Variants in PPARGC1A observed in about 807,000 individuals in gnomAD.
The protein encoded by PPARGC1A is PPARG coactivator 1 alpha.
In PPARGC1A, 25 loss-of-function variants were observed where a neutral mutation model predicts 88.7. The ratio of observed to expected loss-of-function variants is 0.28; its 90% CI spans 0.21 to 0.39. PPARGC1A has a LOEUF of 0.39. Among genes scored for constraint, PPARGC1A ranks in the 10% least tolerant of loss-of-function variants. The probability of loss-of-function intolerance (pLI) is 1.00; values close to 1 mark genes in which losing one functional copy is unlikely to be tolerated. For missense variants in PPARGC1A, 880 were observed against 968.7 expected (o/e 0.91, Z 1.22); for synonymous variants, 363 against 355.6 (o/e 1.02, Z -0.24).
At chr4:23,996,417 C>T in the PPARGC1A span, among the ~76,000 whole-genome samples, 2 of 152,092 alleles carry the variant, frequency 1.3e-5, no homozygotes, top group African/African-American at 4.8e-5. Context: ...AAATGACTTC[C>T]CAGTCAGAAC....
At chr4:24,173,590 T>C in the PPARGC1A span, among the ~76,000 whole-genome samples, 1 of 152,256 alleles carries the variant, frequency 6.6e-6, no homozygotes. Flanking sequence ...GCATTAGTTA[T>C]CAATGAGACT....
chr4:23,800,776 G>A (rs1718524595), intron 12 of PPARGC1A, among the ~76,000 whole-genome samples: 1 of 151,406 alleles, frequency 6.6e-6, no homozygotes, highest in Non-Finnish European at 1.5e-5. Context: ...TACCCCTTGA[G>A]TCTGTACAGC....
At chr4:24,087,485 C>A in the PPARGC1A span, among the ~76,000 whole-genome samples, 1 of 152,178 alleles carries the variant, frequency 6.6e-6, no homozygotes, top group Non-Finnish European at 1.5e-5. Flanking sequence ...TATTATAAAT[C>A]ATTATCCAGA....
chr4:24,211,889 T>C, the PPARGC1A span, among the ~76,000 whole-genome samples: 4 of 152,192 alleles, frequency 2.6e-5, no homozygotes, highest in South Asian at 8.3e-4. Flanking sequence ...ACCTCCACGA[T>C]GCTATTTCCT....
At chr4:24,196,944 T>C in the PPARGC1A span, among the ~76,000 whole-genome samples, 1 of 152,200 alleles carries the variant, frequency 6.6e-6, no homozygotes, top group Non-Finnish European at 1.5e-5. Flanking sequence ...CAATGAACTA[T>C]AAGCAGAAGA....
the PPARGC1A span, among the ~76,000 whole-genome samples, chr4:24,182,846 A>C: frequency 6.6e-6 from 1 of 152,214 alleles, no homozygotes; most frequent in Non-Finnish European, 1.5e-5. Context: ...ATAATTCTGC[A>C]AAACAAGAGA....
At chr4:24,052,271 AG>A in the PPARGC1A span, among the ~76,000 whole-genome samples, 1 of 152,218 alleles carries the variant, frequency 6.6e-6, no homozygotes, top group Admixed American at 6.5e-5. Flanking sequence ...GAATGAGTGA[AG>A]GAAGTGTTTA....
chr4:23,856,349 A>G (rs748767488), intron 2 of PPARGC1A, among the ~76,000 whole-genome samples: 3 of 152,154 alleles, frequency 2.0e-5, no homozygotes, highest in African/African-American at 4.8e-5. Context: ...CATTGCAAAC[A>G]CTGTTGACTA....
chr4:24,362,511 CA>C, the PPARGC1A span, among the ~76,000 whole-genome samples: 2 of 152,108 alleles, frequency 1.3e-5, no homozygotes, highest in Non-Finnish European at 2.9e-5. Context: ...CAGGTGGCAT[CA>C]AAGGACTAGT....
chr4:24,050,909 C>T, the PPARGC1A span, among the ~76,000 whole-genome samples: 19 of 152,188 alleles, frequency 1.2e-4, no homozygotes, highest in African/African-American at 2.9e-4. Context: ...AGGTCTGGGC[C>T]GGGCGCAGTG....
At chr4:23,889,148 ACAC>A (rs1717407370) in intron 1 of PPARGC1A, 12 of 985,178 alleles carry the variant, frequency 1.2e-5, no homozygotes, top group Non-Finnish European at 1.3e-5. Context: ...GTCTATTTTT[ACAC>A]TAGCAGCGAG....
the PPARGC1A span, among the ~76,000 whole-genome samples, chr4:24,364,728 T>C: frequency 1.3e-5 from 2 of 152,172 alleles, no homozygotes; most frequent in East Asian, 3.8e-4. Flanking sequence ...TGTATTTGTG[T>C]ATACGTGTGG....
the PPARGC1A span, among the ~76,000 whole-genome samples, chr4:24,356,221 A>G: frequency 5.6e-4 from 85 of 150,548 alleles, 2 homozygotes; most frequent in African/African-American, 1.9e-3. Context: ...AAAAAAAGAG[A>G]GAGAGGGAGA....
the PPARGC1A span, among the ~76,000 whole-genome samples, chr4:23,911,962 T>C: frequency 6.6e-6 from 1 of 152,184 alleles, no homozygotes; most frequent in South Asian, 2.1e-4. Context: ...TCTCTGAAAC[T>C]GCATGTCCCC....
the PPARGC1A span, among the ~76,000 whole-genome samples, chr4:24,124,383 A>T: frequency 7.0e-4 from 107 of 152,350 alleles, no homozygotes; most frequent in East Asian, 0.02. Flanking sequence ...TTATTTTAGG[A>T]ATAACACAAA....
rs185162977 is a variant in PPARGC1A at position 23,868,160 on chromosome 4, A to T, written c.234+16592T>A. ...TCGGGGAGAGAAGAGTAAATGCTCT[A>T]TGTCTTCAGTAGACATATAGCAGCG... On this transcript the variant is annotated intron_variant, in intron 2 of 12. Coordinates refer to ENST00000264867, the MANE Select transcript of PPARGC1A (RefSeq NM_013261.5). Among the ~76,000 whole-genome samples the T allele has an allele frequency of 1.2e-3, 188 of 152,198 alleles. 1 individual carries two copies. The East Asian group carries it at 0.028, about 22-fold the overall frequency.
chr4:24,459,456 GA>G, the PPARGC1A span, among the ~76,000 whole-genome samples: 24,316 of 133,130 alleles, frequency 0.18, 2,272 homozygotes, highest in African/African-American at 0.29. Flanking sequence ...TGTAAATAAT[GA>G]AAAAAAAAAA....
the PPARGC1A span, among the ~76,000 whole-genome samples, chr4:24,216,825 AAG>A: frequency 6.6e-6 from 1 of 152,168 alleles, no homozygotes; most frequent in African/African-American, 2.4e-5. Flanking sequence ...TCTCCCTGAG[AAG>A]AGAGTATTCA....
At chr4:24,045,112 A>G in the PPARGC1A span, among the ~76,000 whole-genome samples, 2 of 152,208 alleles carry the variant, frequency 1.3e-5, no homozygotes, top group African/African-American at 4.8e-5. Context: ...TTCTAGCTCC[A>G]GGAATGTGTG....
Sources: allele counts gnomAD v4.1 joint callset (sites outside exome capture counted in the v4.1 genomes callset), GRCh38; gene constraint gnomAD v4.1.1; transcripts MANE v1.5; gene names NCBI Gene and HGNC (gene_info 2026-07-23, HGNC 2026-07-21).